The following VPS13A variants were observed in gnomAD, a reference collection of about 807,000 sequenced individuals.
The protein encoded by VPS13A is intermembrane lipid transfer protein VPS13A.
Under a neutral mutation model 390.9 loss-of-function variants are expected in VPS13A, and 264 were observed. That is an observed-to-expected ratio of 0.68 (90% CI 0.61 to 0.75). The LOEUF (loss-of-function observed/expected upper bound fraction) is 0.75, where lower values mean the gene tolerates loss of function less well. Among genes scored for constraint, VPS13A ranks in the 30% least tolerant of loss-of-function variants. The pLI is 0.00. For synonymous variants in VPS13A, 1,231 were observed against 1,227.1 expected (o/e 1.00, Z -0.07); for missense variants, 3,409 against 3,733.9 (o/e 0.91, Z 2.27).
intron 69 of VPS13A, among the ~76,000 whole-genome samples, chr9:77,403,600 G>A (rs1331589307): frequency 6.6e-6 from 1 of 152,166 alleles, no homozygotes; most frequent in East Asian, 1.9e-4. Flanking sequence ...CCTCTTAAAA[G>A]TAAGCTTTCT....
intron 1 of VPS13A, among the ~76,000 whole-genome samples, chr9:77,180,821 C>T (rs117606074): frequency 6.6e-6 from 1 of 152,282 alleles, no homozygotes; most frequent in Non-Finnish European, 1.5e-5. Flanking sequence ...ATAACTGTGT[C>T]TTTGTAGTTA....
At chr9:77,232,682 A>G (rs1169011865) in intron 17 of VPS13A, among the ~76,000 whole-genome samples, 1 of 152,186 alleles carries the variant, frequency 6.6e-6, no homozygotes, top group Non-Finnish European at 1.5e-5. Flanking sequence ...ATATGGAGGC[A>G]GGCAAGAGAG....
rs1289997974 is a variant in VPS13A, at chr9:77,360,586, T to G, written c.8156T>G (p.Phe2719Cys). ...QEMDLRLDLGFIYALTDLMTE... is the reference protein window; with the variant it reads ...QEMDLRLDLGCIYALTDLMTE... Reference sequence around the variant, plus strand: ...ATGGATCTCAGGTTAGATCTTGGGTTTATCTATGCTTTAACAGACCTTATG... The same window carrying G: ...ATGGATCTCAGGTTAGATCTTGGGTGTATCTATGCTTTAACAGACCTTATG... The change falls in exon 59 of 72, where the codon TTT (phenylalanine) becomes TGT (cysteine). Residue 2719 changes from phenylalanine (F) to cysteine (C), a missense_variant. Physicochemically the swap from Phe to Cys is radical, Grantham distance 205. Coordinates refer to ENST00000360280, the MANE Select transcript of VPS13A (RefSeq NM_033305.3). 2 of 1,613,194 alleles carry G rather than the reference T, an allele frequency of 1.2e-6. No individual in the cohort carries two copies. The highest frequency in any genetic ancestry group is 2.7e-5 in the African/African-American group (2 of 75,008).
intron 52 of VPS13A, among the ~76,000 whole-genome samples, chr9:77,347,577 A>G (rs1366407945): frequency 2.0e-5 from 3 of 152,124 alleles, no homozygotes; most frequent in South Asian, 2.1e-4. Context: ...TCCAGGCTCA[A>G]GTGATTCTCA....
chr9:77,203,737 G>T (rs1471955293), intron 3 of VPS13A, among the ~76,000 whole-genome samples: 1 of 151,906 alleles, frequency 6.6e-6, no homozygotes, highest in Non-Finnish European at 1.5e-5. Flanking sequence ...GCAGTCTGTT[G>T]GTACATTTAT....
At chr9:77,394,830 T>A (rs1834057997) in intron 68 of VPS13A, among the ~76,000 whole-genome samples, 1 of 152,234 alleles carries the variant, frequency 6.6e-6, no homozygotes, top group African/African-American at 2.4e-5. Flanking sequence ...TTAAACCTCA[T>A]GAACCAATCT....
chr9:77,276,013 A>T, intron 25 of VPS13A, 52 bp from the exon 26 acceptor site: 1 of 1,575,588 alleles, frequency 6.3e-7, no homozygotes, highest in Non-Finnish European at 8.7e-7. Flanking sequence ...CTATGCACAT[A>T]AACATGTTTT....
At chr9:77,278,535 A>G (rs1226767026) in intron 26 of VPS13A, among the ~76,000 whole-genome samples, 1 of 152,212 alleles carries the variant, frequency 6.6e-6, no homozygotes, top group Non-Finnish European at 1.5e-5. Context: ...AGTTTCTTGC[A>G]CAAAGTAAAT....
chr9:77,271,980 G>T (rs575032361), intron 23 of VPS13A, among the ~76,000 whole-genome samples: 1 of 152,206 alleles, frequency 6.6e-6, no homozygotes, highest in South Asian at 2.1e-4. Context: ...TAGGTTGAGT[G>T]TGTTTACTTT....
intron 15 of VPS13A, 86 bp from the exon 16 acceptor site, chr9:77,227,305 C>T: frequency 1.0e-6 from 1 of 985,638 alleles, no homozygotes; most frequent in Non-Finnish European, 1.6e-6. Context: ...AAGTAAATTT[C>T]ACATTCTGTT....
chr9:77,203,826 A>G (rs1297864250), intron 3 of VPS13A, among the ~76,000 whole-genome samples: 1 of 152,114 alleles, frequency 6.6e-6, no homozygotes, highest in African/African-American at 2.4e-5. Flanking sequence ...TTTGGTCTGT[A>G]CAGAAATTTG....
intron 34 of VPS13A, among the ~76,000 whole-genome samples, chr9:77,304,236 G>C (rs1828576910): frequency 6.6e-6 from 1 of 152,216 alleles, no homozygotes; most frequent in Non-Finnish European, 1.5e-5. Flanking sequence ...CACAGCCCTA[G>C]ATCCCTTAAA....
intron 26 of VPS13A, among the ~76,000 whole-genome samples, chr9:77,277,735 A>G (rs186742268): frequency 8.4e-4 from 127 of 152,018 alleles, no homozygotes; most frequent in African/African-American, 2.8e-3. Context: ...ATGTCTTTTC[A>G]TAACTGGGCA....
At chr9:77,281,684 T>G (rs1745088269) in intron 27 of VPS13A, among the ~76,000 whole-genome samples, 183 bp from the exon 28 acceptor site, 1 of 151,980 alleles carries the variant, frequency 6.6e-6, no homozygotes, top group South Asian at 2.1e-4. Context: ...TTACATTTTC[T>G]TTTGTTCTGG....
At chr9:77,194,668 T>C (rs1180129804) in intron 1 of VPS13A, among the ~76,000 whole-genome samples, 2 of 152,180 alleles carry the variant, frequency 1.3e-5, no homozygotes, top group Non-Finnish European at 2.9e-5. Flanking sequence ...GGCTACTCCA[T>C]GCCTGTTTAA....
intron 46 of VPS13A, among the ~76,000 whole-genome samples, chr9:77,333,388 A>G (rs552226991): frequency 1.1e-4 from 17 of 150,440 alleles, no homozygotes; most frequent in African/African-American, 3.9e-4. Flanking sequence ...CTTAAGTAGA[A>G]TTATTAGTGA....
rs1470294371 is a variant in VPS13A at position 77,416,014 on chromosome 9, C to T, written c.*8C>T. ...CCTTCTCCGAGCCTCTGACAGAGAA[C>T]ACTGCCTGAAGACACACAGCAATAA... On this transcript the variant is annotated 3_prime_UTR_variant, in exon 72 of 72. Coordinates refer to ENST00000360280, the MANE Select transcript of VPS13A (RefSeq NM_033305.3). 6.2e-7 allele frequency: 1 copy of T among 1,613,326 alleles called. No homozygotes were observed. The highest frequency in any genetic ancestry group is 1.7e-5 in the Admixed American group (1 of 60,012).
chr9:77,384,895 T>G lies in VPS13A; in HGVS notation c.9189+2808T>G, dbSNP rs527991667. On this transcript the variant is annotated intron_variant, in intron 68 of 71. Transcript: ENST00000360280. ...CAAAGTAGGGAGGGCATCCAACATA[T>G]TATAGATTTGCTTTTATATATTTTA... The G allele has an allele frequency of 1.9e-5, 27 of 1,393,032 alleles. No homozygotes were observed. The African/African-American group carries it at 3.8e-4, about 19-fold the overall frequency. The allele number at this position is 1,393,032 out of a possible 1,614,324, so 86.3% of individuals were successfully genotyped here.
chr9:77,288,284 T>G (rs769382041), intron 31 of VPS13A, among the ~76,000 whole-genome samples: 3 of 152,196 alleles, frequency 2.0e-5, no homozygotes, highest in Non-Finnish European at 4.4e-5. Flanking sequence ...TGTTTTTAAT[T>G]TTATTTATTT....
Sources: allele counts gnomAD v4.1 joint callset (sites outside exome capture counted in the v4.1 genomes callset), GRCh38; gene constraint gnomAD v4.1.1; transcripts MANE v1.5; gene names NCBI Gene and HGNC (gene_info 2026-07-23, HGNC 2026-07-21).